Variants in LARGE1 observed in about 807,000 individuals in gnomAD.
LARGE1 encodes the protein LARGE xylosyl- and glucuronyltransferase 1.
LARGE1 carries 43 observed loss-of-function variants against 87.6 expected under a neutral mutation model. That is an observed-to-expected ratio of 0.49 (90% CI 0.38 to 0.63). The LOEUF is 0.63. Among genes scored for constraint, LARGE1 ranks in the 30% least tolerant of loss-of-function variants. The probability of loss-of-function intolerance (pLI) is 0.00; values close to 1 mark genes in which losing one functional copy is unlikely to be tolerated. For synonymous variants in LARGE1, 434 were observed against 394.6 expected, an observed-to-expected ratio of 1.10 and a Z score of -1.18; for missense variants, 802 against 1,000.2, an observed-to-expected ratio of 0.80 and a Z score of 2.67.
chr22:33,789,327 ATT>A (rs1262664038), intron 1 of LARGE1, among the ~76,000 whole-genome samples: 2 of 152,184 alleles, frequency 1.3e-5, no homozygotes, highest in Admixed American at 6.5e-5. Flanking sequence ...CCCTGCCTGG[ATT>A]TCACAGGATG....
rs563852024 is a variant in LARGE1 at position 33,454,616 on chromosome 22, T to TAA, written c.788-22353_788-22352dup. Among the ~76,000 whole-genome samples, 30 of 111,454 alleles carry TAA rather than the reference T, an allele frequency of 2.7e-4. 1 individual carries two copies. The South Asian group carries it at 4.3e-3, about 16-fold the overall frequency. The allele number at this position is 111,454 out of a possible 152,430, so 73.1% of individuals were successfully genotyped here. On this transcript the variant is annotated intron_variant, in intron 6 of 14. Transcript: ENST00000397394. ...CCTGGTGACAGAGCAAGACTCTGTC[T>TAA]AAAAAAAAAAAAAAAAAAAGAAGAA...
intron 1 of LARGE1, among the ~76,000 whole-genome samples, chr22:33,867,823 C>T (rs940757812): frequency 2.0e-5 from 3 of 152,226 alleles, no homozygotes; most frequent in Admixed American, 6.5e-5. Context: ...ATAAAGTGCC[C>T]AAGTCTTTGG....
chr22:33,445,634 T>A (rs2067656182), intron 6 of LARGE1, among the ~76,000 whole-genome samples: 1 of 151,080 alleles, frequency 6.6e-6, no homozygotes, highest in South Asian at 2.1e-4. Context: ...CACCTTTTGT[T>A]CTAAGGGGGC....
intron 6 of LARGE1, among the ~76,000 whole-genome samples, chr22:33,537,063 G>A (rs1388334974): frequency 6.6e-6 from 1 of 152,152 alleles, no homozygotes; most frequent in Non-Finnish European, 1.5e-5. Flanking sequence ...TGCCTGCCTC[G>A]GCCTCCCAAA....
At chr22:33,074,357 C>A in the LARGE1 span, among the ~76,000 whole-genome samples, 3 of 152,068 alleles carry the variant, frequency 2.0e-5, no homozygotes, top group Non-Finnish European at 4.4e-5. Context: ...CAAGGAATGG[C>A]CTTAAGAAAA....
chr22:33,072,324 G>A, the LARGE1 span, among the ~76,000 whole-genome samples: 2 of 152,170 alleles, frequency 1.3e-5, no homozygotes, highest in African/African-American at 4.8e-5. Context: ...GGAGATGTCT[G>A]TATGGTATTT....
intron 2 of LARGE1, chr22:33,725,819 T>C (rs2083253732): frequency 6.6e-6 from 1 of 152,216 alleles, no homozygotes; most frequent in Non-Finnish European, 1.5e-5. Context: ...ATAATGACAG[T>C]GTTTTTTTTA....
At chr22:33,408,985 C>T (rs1156733705) in intron 7 of LARGE1, among the ~76,000 whole-genome samples, 1 of 152,062 alleles carries the variant, frequency 6.6e-6, no homozygotes, top group South Asian at 2.1e-4. Context: ...GCATTGAGCT[C>T]GGTATGAAGT....
intron 11 of LARGE1, among the ~76,000 whole-genome samples, chr22:33,182,543 CA>C (rs1314517037): frequency 2.6e-5 from 4 of 151,796 alleles, no homozygotes; most frequent in African/African-American, 9.7e-5. Flanking sequence ...GAAAGAAGAA[CA>C]AAGCTGGAGG....
At chr22:33,192,007 T>C (rs962752971) in intron 11 of LARGE1, among the ~76,000 whole-genome samples, 1 of 152,160 alleles carries the variant, frequency 6.6e-6, no homozygotes, top group African/African-American at 2.4e-5. Context: ...AAACTGAACA[T>C]TAAGCATATC....
chr22:33,747,021 C>T (rs1015354640), intron 2 of LARGE1, among the ~76,000 whole-genome samples: 4 of 152,090 alleles, frequency 2.6e-5, no homozygotes, highest in Admixed American at 2.6e-4. Context: ...TCATTAAGTG[C>T]CCCGGGGTGG....
chr22:33,438,364 T>C (rs1225460724), intron 6 of LARGE1, among the ~76,000 whole-genome samples: 1 of 152,164 alleles, frequency 6.6e-6, no homozygotes, highest in Non-Finnish European at 1.5e-5. Context: ...AGAAAACGCT[T>C]TGTCATTGTT....
chr22:33,331,116 C>G (rs1326857095), intron 10 of LARGE1, among the ~76,000 whole-genome samples: 1 of 152,160 alleles, frequency 6.6e-6, no homozygotes, highest in African/African-American at 2.4e-5. Context: ...AGAAACTCAT[C>G]CCAAGGCACA....
chr22:33,751,741 T>A (rs556923741), intron 2 of LARGE1, among the ~76,000 whole-genome samples: 1 of 152,212 alleles, frequency 6.6e-6, no homozygotes, highest in South Asian at 2.1e-4. Flanking sequence ...CATCACTCTA[T>A]AGTACTTCAC....
At chr22:33,862,547 T>A (rs549697495) in intron 1 of LARGE1, among the ~76,000 whole-genome samples, 1 of 152,070 alleles carries the variant, frequency 6.6e-6, no homozygotes, top group African/African-American at 2.4e-5. Context: ...TCTGAGTGGG[T>A]GTACCTGACA....
chr22:33,352,900 A>T (rs1569085851), intron 9 of LARGE1, among the ~76,000 whole-genome samples: 1 of 152,258 alleles, frequency 6.6e-6, no homozygotes, highest in Non-Finnish European at 1.5e-5. Context: ...TAAAAAAGGG[A>T]GTTCTACAAA....
At chr22:33,433,631 GA>G (rs1555916326) in intron 6 of LARGE1, among the ~76,000 whole-genome samples, 1 of 114,016 alleles carries the variant, frequency 8.8e-6, no homozygotes, top group Non-Finnish European at 1.9e-5. Context: ...AAAAAAAAAA[GA>G]AAGGGAAATT....
At chr22:33,818,911 C>A (rs531798810) in intron 1 of LARGE1, among the ~76,000 whole-genome samples, 2 of 152,254 alleles carry the variant, frequency 1.3e-5, no homozygotes, top group South Asian at 4.1e-4. Flanking sequence ...GCTGAAAGTT[C>A]TATTAGTCTC....
At chr22:33,719,093 C>CT (rs2083000205) in intron 2 of LARGE1, among the ~76,000 whole-genome samples, 2 of 152,100 alleles carry the variant, frequency 1.3e-5, no homozygotes. Context: ...CCGGCTGTAT[C>CT]TTTGTTTTCA....
Sources: gnomAD v4.1 joint callset for allele counts (sites outside exome capture counted in the v4.1 genomes callset) on GRCh38, gnomAD v4.1.1 for gene constraint, MANE v1.5 for transcripts, NCBI Gene and HGNC (gene_info 2026-07-23, HGNC 2026-07-21) for gene names.